MYO3A: variants seen among roughly 807,000 people sequenced by gnomAD.
MYO3A encodes the protein myosin IIIA.
In MYO3A, 180 loss-of-function variants were observed where a neutral mutation model predicts 192.7. The ratio of observed to expected loss-of-function variants is 0.93; its 90% CI spans 0.83 to 1.06. The LOEUF (loss-of-function observed/expected upper bound fraction) is 1.06. MYO3A is among the 50% of genes least tolerant of loss of function. The pLI is 0.00. For missense variants in MYO3A, 1,896 were observed against 1,905.0 expected (o/e 1.00, Z 0.09); for synonymous variants, 628 against 645.3 (o/e 0.97, Z 0.41).
At chr10:26,147,990 A>G (rs1840574552) in intron 23 of MYO3A, among the ~76,000 whole-genome samples, 2 of 152,228 alleles carry the variant, frequency 1.3e-5, no homozygotes, top group South Asian at 4.1e-4. Context: ...GTAAGTAGAA[A>G]AAATATAGTT....
chr10:25,954,760 A>T, intron 3 of MYO3A, 114 bp from the exon 4 acceptor site: 1 of 1,153,234 alleles, frequency 8.7e-7, no homozygotes, highest in Non-Finnish European at 1.3e-6. Flanking sequence ...AGCACAGTAA[A>T]AACTATTATG....
intron 31 of MYO3A, 115 bp downstream of exon 31, chr10:26,176,960 G>A (rs1293159870): frequency 1.6e-6 from 2 of 1,221,456 alleles, no homozygotes; most frequent in East Asian, 2.4e-5. Flanking sequence ...TCCTGTCTTA[G>A]GAGAACCTTT....
At chr10:25,979,272 C>G (rs1021438595) in intron 4 of MYO3A, among the ~76,000 whole-genome samples, 6 of 151,914 alleles carry the variant, frequency 3.9e-5, no homozygotes, top group African/African-American at 1.5e-4. Flanking sequence ...TAAAAATTTC[C>G]TGCTTTGGTT....
intron 15 of MYO3A, among the ~76,000 whole-genome samples, chr10:26,093,010 G>A (rs1161376595): frequency 1.3e-5 from 2 of 152,142 alleles, no homozygotes; most frequent in African/African-American, 4.8e-5. Flanking sequence ...CTCAATAAAT[G>A]TAAACTGATG....
At chr10:26,120,477 TA>T (rs887016374) in intron 17 of MYO3A, among the ~76,000 whole-genome samples, 198 bp from the exon 18 acceptor site, 1 of 152,194 alleles carries the variant, frequency 6.6e-6, no homozygotes, top group African/African-American at 2.4e-5. Context: ...TTATTTTAAG[TA>T]ACAGGCACTA....
chr10:26,078,330 T>G (rs1279171894), intron 14 of MYO3A, among the ~76,000 whole-genome samples: 2 of 152,032 alleles, frequency 1.3e-5, no homozygotes, highest in Non-Finnish European at 2.9e-5. Context: ...TGTATTTCAG[T>G]GGTGTCAGTT....
At chr10:26,017,374 G>A (rs1268737023) in intron 7 of MYO3A, among the ~76,000 whole-genome samples, 1 of 152,100 alleles carries the variant, frequency 6.6e-6, no homozygotes, top group Non-Finnish European at 1.5e-5. Flanking sequence ...TTGGGAGGTT[G>A]CAGATAAACT....
chr10:26,063,424 G>A (rs12775228), intron 10 of MYO3A, among the ~76,000 whole-genome samples: 71,850 of 151,844 alleles, frequency 0.47, 17,831 homozygotes, highest in Middle Eastern at 0.59. Flanking sequence ...GGAGTTTTAT[G>A]GTTTTACATT....
At chr10:26,027,754 A>G (rs1362140513) in intron 10 of MYO3A, among the ~76,000 whole-genome samples, 1 of 152,186 alleles carries the variant, frequency 6.6e-6, no homozygotes, top group African/African-American at 2.4e-5. Context: ...CATTCTTCTA[A>G]CACAACATTT....
intron 6 of MYO3A, among the ~76,000 whole-genome samples, chr10:26,008,846 A>C (rs1217437642): frequency 6.6e-6 from 1 of 151,966 alleles, no homozygotes; most frequent in Non-Finnish European, 1.5e-5. Flanking sequence ...TAGAACTAGA[A>C]ATACCATTTG....
chr10:25,970,854 G>A (rs993401002), intron 4 of MYO3A, among the ~76,000 whole-genome samples: 7 of 151,840 alleles, frequency 4.6e-5, no homozygotes, highest in Non-Finnish European at 7.4e-5. Context: ...AAAGACATGA[G>A]TTGTATAACT....
intron 7 of MYO3A, among the ~76,000 whole-genome samples, chr10:26,017,802 ATAAAG>A (rs67764971): frequency 0.3 from 46,073 of 151,096 alleles, 7,587 homozygotes; most frequent in Middle Eastern, 0.45. Context: ...GAGTAAAAAT[ATAAAG>A]TATAGTCATA....
At chr10:26,044,690 A>G (rs990786513) in intron 10 of MYO3A, among the ~76,000 whole-genome samples, 4 of 152,176 alleles carry the variant, frequency 2.6e-5, no homozygotes, top group Admixed American at 6.5e-5. Flanking sequence ...AGCTCTGAAT[A>G]TACACATTGG....
At chr10:25,984,761 A>G (rs1263068370) in intron 4 of MYO3A, among the ~76,000 whole-genome samples, 1 of 152,222 alleles carries the variant, frequency 6.6e-6, no homozygotes, top group Non-Finnish European at 1.5e-5. Context: ...CCTCAAAATC[A>G]TGCAAATACA....
intron 10 of MYO3A, among the ~76,000 whole-genome samples, chr10:26,059,762 T>C (rs1834341574): frequency 6.6e-6 from 1 of 152,270 alleles, no homozygotes. Flanking sequence ...TGGATTTTTT[T>C]CCACATTCAG....
intron 4 of MYO3A, among the ~76,000 whole-genome samples, chr10:25,973,552 T>C (rs1838791565): frequency 6.6e-6 from 1 of 152,220 alleles, no homozygotes; most frequent in African/African-American, 2.4e-5. Context: ...ATCCTCATCA[T>C]GTGCTGGTTT....
chr10:26,195,489 C>T (rs1843364678), intron 32 of MYO3A, among the ~76,000 whole-genome samples: 1 of 152,128 alleles, frequency 6.6e-6, no homozygotes, highest in Non-Finnish European at 1.5e-5. Flanking sequence ...ACTATCCTCC[C>T]ATTGATGGAA....
chr10:25,970,335 C>G (rs1289791364), intron 4 of MYO3A, among the ~76,000 whole-genome samples: 4 of 151,740 alleles, frequency 2.6e-5, no homozygotes. Flanking sequence ...TCACACACCT[C>G]AAAAACAAAC....
chr10:26,043,498 G>A (rs1239109612), intron 10 of MYO3A, among the ~76,000 whole-genome samples: 1 of 152,158 alleles, frequency 6.6e-6, no homozygotes. Flanking sequence ...GTGTTCTATT[G>A]TAGTGTGGGT....
Sources: allele counts gnomAD v4.1 joint callset (sites outside exome capture counted in the v4.1 genomes callset), GRCh38; gene constraint gnomAD v4.1.1; transcripts MANE v1.5; gene names NCBI Gene and HGNC (gene_info 2026-07-23, HGNC 2026-07-21).